GOSR1: variants seen among roughly 807,000 people sequenced by gnomAD.
The protein encoded by GOSR1 is 28 kDa Golgi SNARE protein.
A neutral mutation model predicts 35.5 loss-of-function variants in GOSR1; 21 were observed. The ratio of observed to expected loss-of-function variants is 0.59; its 90% CI spans 0.42 to 0.85. The LOEUF (loss-of-function observed/expected upper bound fraction) is 0.85. Ranked by LOEUF, GOSR1 falls within the 40% of genes least tolerant of loss-of-function variation. The probability of loss-of-function intolerance (pLI) is 0.00; values close to 1 mark genes in which losing one functional copy is unlikely to be tolerated. For missense variants in GOSR1, 285 were observed against 309.6 expected (o/e 0.92, Z 0.60); for synonymous variants, 94 against 106.6 (o/e 0.88, Z 0.73).
intron 6 of GOSR1, chr17:30,495,392 C>T (rs542412540): frequency 2.2e-6 from 1 of 452,718 alleles, no homozygotes; most frequent in African/African-American, 2.0e-5. Flanking sequence ...AATACGTCTT[C>T]TGTATTTACC....
chr17:30,500,449 T>TATTC (rs1171459038), intron 6 of GOSR1, among the ~76,000 whole-genome samples: 17 of 152,342 alleles, frequency 1.1e-4, no homozygotes, highest in Admixed American at 9.8e-4. Context: ...AACACATGTA[T>TATTC]ATTCCATTGT....
intron 7 of GOSR1, among the ~76,000 whole-genome samples, chr17:30,513,934 C>T (rs549246807): frequency 4.6e-5 from 7 of 152,092 alleles, no homozygotes; most frequent in East Asian, 1.9e-4. Context: ...ACAGTGAGGC[C>T]GTGTCTCAAA....
chr17:30,500,103 A>G (rs2143770949), intron 6 of GOSR1, among the ~76,000 whole-genome samples: 1 of 152,280 alleles, frequency 6.6e-6, no homozygotes, highest in East Asian at 1.9e-4. Context: ...AGGTTTTGCA[A>G]GTATTTTCTC....
chr17:30,479,801 C>T (rs1914214861), intron 1 of GOSR1: 2 of 152,244 alleles, frequency 1.3e-5, no homozygotes, highest in African/African-American at 4.8e-5. Context: ...AGCCACTGCG[C>T]CTGGCCTCAG....
chr17:30,504,246 C>G (rs573697893), intron 6 of GOSR1, among the ~76,000 whole-genome samples: 7 of 152,056 alleles, frequency 4.6e-5, no homozygotes, highest in Admixed American at 2.6e-4. Context: ...AGGCTGGTCT[C>G]GAGCTCCTGA....
intron 7 of GOSR1, among the ~76,000 whole-genome samples, chr17:30,517,556 T>C (rs1158616764): frequency 6.6e-6 from 1 of 152,138 alleles, no homozygotes; most frequent in Non-Finnish European, 1.5e-5. Context: ...TCATAATCTA[T>C]TATACCATTC....
intron 2 of GOSR1, among the ~76,000 whole-genome samples, chr17:30,483,680 A>G (rs1914495832): frequency 6.6e-6 from 1 of 152,252 alleles, no homozygotes; most frequent in Admixed American, 6.5e-5. Context: ...GCTAATACAT[A>G]CCTAACCTGA....
intron 2 of GOSR1, 88 bp downstream of exon 2, chr17:30,481,345 G>A (rs1914335900): frequency 1.1e-6 from 1 of 947,346 alleles, no homozygotes; most frequent in African/African-American, 1.6e-5. Context: ...ACTTCTGTAA[G>A]TTGGTCTATT....
intron 1 of GOSR1, chr17:30,478,626 G>A (rs540010402): frequency 2.1e-5 from 3 of 144,214 alleles, no homozygotes; most frequent in Admixed American, 7.4e-5. Flanking sequence ...TATCGATCTC[G>A]GCTCACTGCA....
intron 6 of GOSR1, 50 bp downstream of exon 6, chr17:30,492,803 C>G (rs375501530): frequency 2.1e-5 from 22 of 1,068,434 alleles, no homozygotes; most frequent in African/African-American, 3.1e-5. Flanking sequence ...TTTATTAATT[C>G]ATTTACTTAT....
intron 6 of GOSR1, among the ~76,000 whole-genome samples, chr17:30,500,528 A>G (rs1342393609): frequency 1.3e-5 from 2 of 152,186 alleles, no homozygotes; most frequent in Non-Finnish European, 2.9e-5. Flanking sequence ...ACATCTTTCT[A>G]GAGAATTAAT....
intron 8 of GOSR1, 70 bp downstream of exon 8, chr17:30,520,091 TAGGGG>T: frequency 1.0e-6 from 1 of 970,898 alleles, no homozygotes; most frequent in Non-Finnish European, 1.7e-6. Flanking sequence ...TGTGCTTTTA[TAGGGG>T]GCAGGTTGCC....
At chr17:30,503,551 C>CATCT (rs1967290751) in intron 6 of GOSR1, among the ~76,000 whole-genome samples, 1 of 152,186 alleles carries the variant, frequency 6.6e-6, no homozygotes, top group Admixed American at 6.5e-5. Context: ...CAGATGATGC[C>CATCT]ATCTGCATGG....
In GOSR1 at chr17:30,477,438, C is replaced by A. The variant is rs751670535; in HGVS notation, c.5C>A (p.Ala2Glu). The A allele has an allele frequency of 1.2e-6, 2 of 1,608,892 alleles. No individual in the cohort carries two copies. The highest frequency in any genetic ancestry group is 1.7e-6 in the Non-Finnish European group (2 of 1,177,052). ...GGCTGACGTTGGACGACAAAGATGG[C>A]GGCAGGGACCAGCAGTTACTGGGAA... M[A>E]AGTSSYWEDL... The change falls in exon 1 of 9, where the codon GCG (alanine) becomes GAG (glutamate). Residue 2 changes from alanine (A) to glutamate (E), a missense_variant. Around this residue, in one of 3 missense-constraint regions of GOSR1, gnomAD observed 108 missense variants for 98.9 expected, o/e 1.09. Transcript: ENST00000451249.
At chr17:30,492,464 T>C (rs1447577130) in intron 5 of GOSR1, among the ~76,000 whole-genome samples, 1 of 152,238 alleles carries the variant, frequency 6.6e-6, no homozygotes, top group Non-Finnish European at 1.5e-5. Context: ...AACAGTAAAC[T>C]GTTGGGCCTA....
Position 30,481,637 on chromosome 17 carries a change from G to A in GOSR1, c.146+380G>A, listed in dbSNP as rs373275454. ...ACCTGTGGATCTACCCAGGTGCCAG[G>A]TATACATACTGCTTTTCTGGTGTTT... On this transcript the variant is annotated intron_variant, in intron 2 of 8. Transcript: ENST00000451249. Among the ~76,000 whole-genome samples the A allele has an allele frequency of 3.9e-4, 60 of 152,272 alleles. 2 individuals are homozygous for A. In the South Asian group the frequency reaches 0.012, roughly 30 times the overall value.
rs750031092 is a variant in GOSR1, at chr17:30,484,208, T to G, written c.147-6T>G. The G allele has an allele frequency of 6.5e-7, 1 of 1,534,766 alleles. No homozygotes were observed. The highest frequency in any genetic ancestry group is 1.7e-5 in the Admixed American group (1 of 59,934). On this transcript the variant is annotated splice_polypyrimidine_tract_variant and splice_region_variant and intron_variant, in intron 2 of 8. Coordinates refer to ENST00000451249, the MANE Select transcript of GOSR1 (RefSeq NM_001007025.2). ...ATGGATCCTCTTTAACTGAACTTCT[T>G]TTTAGTTCTGATACAACACCCCTTT...
intron 6 of GOSR1, among the ~76,000 whole-genome samples, chr17:30,509,973 CA>C (rs1967554310): frequency 6.6e-6 from 1 of 152,086 alleles, no homozygotes; most frequent in South Asian, 2.1e-4. Flanking sequence ...AGAGAAAGTT[CA>C]TTTCTTTATG....
chr17:30,511,081 G>A (rs1967595697), intron 7 of GOSR1, among the ~76,000 whole-genome samples, 172 bp downstream of exon 7: 1 of 152,154 alleles, frequency 6.6e-6, no homozygotes, highest in Non-Finnish European at 1.5e-5. Flanking sequence ...CCTTACAAGA[G>A]ACGTTTGACA....
Sources: gnomAD v4.1 joint callset for allele counts (sites outside exome capture counted in the v4.1 genomes callset) on GRCh38, gnomAD v4.1.1 for gene constraint, gnomAD v4.1.1 regional missense constraint, MANE v1.5 for transcripts, NCBI Gene and HGNC (gene_info 2026-07-23, HGNC 2026-07-21) for gene names.